The following KCNIP4 variants were observed in gnomAD, a reference collection of about 807,000 sequenced individuals.
KCNIP4 encodes Kv channel-interacting protein 4.
A neutral mutation model predicts 34.0 loss-of-function variants in KCNIP4; 12 were observed. That is an observed-to-expected ratio of 0.35 (90% CI 0.23 to 0.57). The LOEUF (loss-of-function observed/expected upper bound fraction) is 0.57, where lower values mean the gene tolerates loss of function less well. Ranked by LOEUF, KCNIP4 falls within the 20% of genes least tolerant of loss-of-function variation. The probability of loss-of-function intolerance (pLI) is 0.83; values close to 1 mark genes in which losing one functional copy is unlikely to be tolerated. For missense variants in KCNIP4, 238 were observed against 311.7 expected (o/e 0.76, Z 1.78); for synonymous variants, 124 against 102.2 (o/e 1.21, Z -1.29).
intron 1 of KCNIP4, among the ~76,000 whole-genome samples, chr4:21,815,830 G>C (rs535722480): frequency 1.3e-5 from 2 of 152,258 alleles, no homozygotes; most frequent in Non-Finnish European, 2.9e-5. Context: ...CCATTAAAGA[G>C]CTTTAGGCCA....
At chr4:21,790,756 C>T (rs1173115805) in intron 1 of KCNIP4, among the ~76,000 whole-genome samples, 1 of 151,928 alleles carries the variant, frequency 6.6e-6, no homozygotes, top group African/African-American at 2.4e-5. Context: ...GAACCCTAAC[C>T]ATATCCTTGA....
At chr4:21,476,325 A>G (rs1291718110) in intron 1 of KCNIP4, among the ~76,000 whole-genome samples, 1 of 152,190 alleles carries the variant, frequency 6.6e-6, no homozygotes, top group Non-Finnish European at 1.5e-5. Flanking sequence ...TCCCTCGAAT[A>G]TCATATGTTG....
intron 1 of KCNIP4, among the ~76,000 whole-genome samples, chr4:21,115,219 A>G (rs1749584633): frequency 6.6e-6 from 1 of 152,198 alleles, no homozygotes; most frequent in Admixed American, 6.5e-5. Context: ...CTCTATAACC[A>G]TACACAGTTT....
intron 1 of KCNIP4, among the ~76,000 whole-genome samples, chr4:21,247,633 A>ATATATCTATATATT (rs1304092218): frequency 2.1e-5 from 3 of 143,082 alleles, no homozygotes; most frequent in Non-Finnish European, 4.5e-5. Context: ...ATATATTTAG[A>ATATATCTATATATT]TATATCTATA....
At chr4:20,936,865 T>C (rs1161717502) in intron 1 of KCNIP4, among the ~76,000 whole-genome samples, 1 of 152,112 alleles carries the variant, frequency 6.6e-6, no homozygotes, top group African/African-American at 2.4e-5. Flanking sequence ...AAAGACAGAG[T>C]GCAGGTTGCA....
intron 1 of KCNIP4, among the ~76,000 whole-genome samples, chr4:21,442,103 T>C (rs1214932151): frequency 6.6e-6 from 1 of 152,152 alleles, no homozygotes; most frequent in East Asian, 1.9e-4. Context: ...TCCTTTTGCA[T>C]TGTTGCTGAG....
intron 1 of KCNIP4, among the ~76,000 whole-genome samples, chr4:21,015,595 ATAT>A (rs1560647532): frequency 5.4e-5 from 7 of 128,822 alleles, no homozygotes; most frequent in Non-Finnish European, 9.3e-5. Context: ...ATAATATAGT[ATAT>A]TGTATTAATA....
chr4:21,894,881 C>T (rs370504987), intron 1 of KCNIP4, among the ~76,000 whole-genome samples: 15 of 152,294 alleles, frequency 9.8e-5, no homozygotes, highest in African/African-American at 3.6e-4. Flanking sequence ...TACTCCATCT[C>T]TTTCCTTTCT....
intron 1 of KCNIP4, among the ~76,000 whole-genome samples, chr4:21,581,133 T>G (rs1741170602): frequency 6.6e-6 from 1 of 152,062 alleles, no homozygotes; most frequent in Admixed American, 6.6e-5. Flanking sequence ...CATCATTATA[T>G]TTCCATTTCT....
intron 1 of KCNIP4, among the ~76,000 whole-genome samples, chr4:21,605,164 T>C (rs966426607): frequency 2.6e-5 from 4 of 152,180 alleles, no homozygotes; most frequent in African/African-American, 7.2e-5. Flanking sequence ...GACATAAACA[T>C]GAACACTAGC....
At chr4:20,751,604 T>A (rs1432326598) in intron 4 of KCNIP4, among the ~76,000 whole-genome samples, 1 of 152,148 alleles carries the variant, frequency 6.6e-6, no homozygotes, top group Non-Finnish European at 1.5e-5. Context: ...GTTACCCTGT[T>A]TTCACAATCA....
intron 8 of KCNIP4, 43 bp from the exon 9 acceptor site, chr4:20,730,172 C>T (rs2149248738): frequency 1.3e-6 from 2 of 1,577,554 alleles, no homozygotes; most frequent in Admixed American, 1.9e-5. Flanking sequence ...AGCATATCTG[C>T]AAGGAAAAGT....
chr4:21,262,794 T>C (rs1351589986), intron 1 of KCNIP4, among the ~76,000 whole-genome samples: 1 of 152,200 alleles, frequency 6.6e-6, no homozygotes, highest in Admixed American at 6.5e-5. Context: ...ATTTATTTTA[T>C]TCCAAGCATT....
At chr4:21,335,013 A>G (rs1456472576) in intron 1 of KCNIP4, among the ~76,000 whole-genome samples, 1 of 152,086 alleles carries the variant, frequency 6.6e-6, no homozygotes, top group African/African-American at 2.4e-5. Flanking sequence ...TCTCTTCAGT[A>G]CATTCCCAGG....
At chr4:20,792,837 G>A (rs1197100155) in intron 3 of KCNIP4, among the ~76,000 whole-genome samples, 5 of 152,146 alleles carry the variant, frequency 3.3e-5, no homozygotes, top group Admixed American at 1.3e-4. Flanking sequence ...TTATCACAAT[G>A]TTTGATAGAA....
chr4:21,046,420 G>A (rs1314030315), intron 1 of KCNIP4, among the ~76,000 whole-genome samples: 1 of 152,104 alleles, frequency 6.6e-6, no homozygotes, highest in Non-Finnish European at 1.5e-5. Flanking sequence ...TGGCTGTGAA[G>A]ATAGCAGTTC....
At chr4:21,865,654 T>G (rs1725370293) in intron 1 of KCNIP4, among the ~76,000 whole-genome samples, 1 of 152,074 alleles carries the variant, frequency 6.6e-6, no homozygotes, top group South Asian at 2.1e-4. Context: ...GTGATTTTCC[T>G]GCCTCAGCCT....
At chr4:21,192,309 A>G (rs949818731) in intron 1 of KCNIP4, among the ~76,000 whole-genome samples, 2 of 152,208 alleles carry the variant, frequency 1.3e-5, no homozygotes, top group African/African-American at 4.8e-5. Flanking sequence ...CATTTAAGGT[A>G]TGGATTAATT....
chr4:20,811,046 C>T (rs111418468), intron 3 of KCNIP4, among the ~76,000 whole-genome samples: 3,425 of 152,202 alleles, frequency 0.023, 130 homozygotes, highest in African/African-American at 0.078. Flanking sequence ...AAAATGCCAC[C>T]AAGGTAACTC....
Sources: allele counts gnomAD v4.1 joint callset (sites outside exome capture counted in the v4.1 genomes callset), GRCh38; gene constraint gnomAD v4.1.1; transcripts MANE v1.5; gene names NCBI Gene and HGNC (gene_info 2026-07-23, HGNC 2026-07-21).